Variants in DEAF1 observed in about 807,000 individuals in gnomAD.
DEAF1 encodes the protein deformed epidermal autoregulatory factor 1 homolog.
A neutral mutation model predicts 58.9 loss-of-function variants in DEAF1; 53 were observed. That is an observed-to-expected ratio of 0.90 (90% CI 0.72 to 1.13). The LOEUF (loss-of-function observed/expected upper bound fraction) is 1.13. DEAF1 is among the 50% of genes most tolerant of loss of function. DEAF1 has a pLI of 0.00. For missense variants in DEAF1, 685 were observed against 791.4 expected, an observed-to-expected ratio of 0.87 and a Z score of 1.61; for synonymous variants, 385 against 340.4, an observed-to-expected ratio of 1.13 and a Z score of -1.44.
intron 11 of DEAF1, among the ~76,000 whole-genome samples, chr11:649,159 G>A (rs970331508): frequency 6.6e-6 from 1 of 152,192 alleles, no homozygotes; most frequent in South Asian, 2.1e-4. Flanking sequence ...GCTGAGGCAG[G>A]AGAATCGCTT....
upstream of DEAF1, chr11:700,222 G>A: frequency 6.2e-7 from 1 of 1,613,646 alleles, no homozygotes; most frequent in Non-Finnish European, 8.5e-7. Context: ...CGCTCCTGAT[G>A]ATCACGTATA....
intron 1 of DEAF1, chr11:702,827 C>CCGGAGGAA: frequency 9.9e-7 from 1 of 1,010,458 alleles, no homozygotes; most frequent in South Asian, 1.8e-5. Context: ...TCCCCAGGCC[C>CCGGAGGAA]CGGAGGAACG....
chr11:679,788 C>T lies in DEAF1; in HGVS notation c.1026G>A (p.Thr342=), dbSNP rs756862378. The T allele has an allele frequency of 8.7e-6, 14 of 1,613,732 alleles. No individual in the cohort carries two copies. The highest frequency in any genetic ancestry group is 2.2e-5 in the East Asian group (1 of 44,902). ...GGTCAAAGGTCAGTGCCCCCGAGGT[C>T]GTGATCTGTCCCGAGGGGGTCACGG... ...TFTVTPSGQI[T]TSGALTFDRA... is the part of the protein sequence containing the mutation. The change falls in exon 8 of 12, where the codon ACG becomes ACA. Residue 342 remains threonine, a synonymous_variant. Transcript: ENST00000382409.
upstream of DEAF1, chr11:695,875 G>C: frequency 8.2e-7 from 1 of 1,223,390 alleles, no homozygotes; most frequent in East Asian, 3.2e-5. Flanking sequence ...GGGGCTTCCG[G>C]GCTTGCAGCG....
chr11:658,797 G>A (rs1859186505), intron 10 of DEAF1, among the ~76,000 whole-genome samples: 1 of 152,220 alleles, frequency 6.6e-6, no homozygotes, highest in Non-Finnish European at 1.5e-5. Flanking sequence ...TGCCTTCCCT[G>A]CTGCAGGGGC....
chr11:677,853 C>T (rs1860144549), intron 9 of DEAF1, among the ~76,000 whole-genome samples: 1 of 152,042 alleles, frequency 6.6e-6, no homozygotes. Flanking sequence ...GTCCCAGCTA[C>T]TCAGGAGGCT....
At chr11:654,835 C>T (rs1858968590) in intron 10 of DEAF1, among the ~76,000 whole-genome samples, 1 of 151,248 alleles carries the variant, frequency 6.6e-6, no homozygotes, top group South Asian at 2.1e-4. Flanking sequence ...CACTACTGCA[C>T]TCCAGCCTGG....
intron 9 of DEAF1, among the ~76,000 whole-genome samples, chr11:675,107 G>A (rs1859997123): frequency 6.6e-6 from 1 of 152,066 alleles, no homozygotes; most frequent in African/African-American, 2.4e-5. Context: ...AAGGTGTGAA[G>A]CCGGGAGGCA....
intron 1 of DEAF1, chr11:700,727 C>T (rs552755117): frequency 2.7e-5 from 42 of 1,584,502 alleles, no homozygotes; most frequent in East Asian, 1.1e-4. Flanking sequence ...CTGTTAACAC[C>T]GTGAAGAACC....
intron 6 of DEAF1, among the ~76,000 whole-genome samples, chr11:682,825 C>T (rs1445715163): frequency 1.3e-5 from 2 of 152,150 alleles, no homozygotes; most frequent in East Asian, 1.9e-4. Flanking sequence ...TCACACTTCC[C>T]AGGAATTTAC....
intron 9 of DEAF1, among the ~76,000 whole-genome samples, chr11:676,804 G>A (rs1425725519): frequency 6.6e-6 from 1 of 152,022 alleles, no homozygotes; most frequent in Non-Finnish European, 1.5e-5. Flanking sequence ...ACGCCCAGCG[G>A]GGTTTCTTAC....
chr11:687,774 G>C (rs987003557), intron 4 of DEAF1, 137 bp downstream of exon 4: 1 of 1,128,136 alleles, frequency 8.9e-7, no homozygotes, highest in Admixed American at 1.9e-5. Flanking sequence ...GGTATTACAG[G>C]CATCAGCCAC....
At position 687,179 on chromosome 11, in the gene DEAF1, C is replaced by T. The variant is rs377303581; in HGVS notation, c.665-182G>A. The stretch of plus-strand genomic sequence containing the variant: ...CACGGGTCTGCCTTTGCAGCCTGTG[C>T]CTCTGACCCCCTACGTGATCTCTCC... On this transcript the variant is annotated intron_variant, in intron 4 of 11. Coordinates refer to ENST00000382409, the MANE Select transcript of DEAF1 (RefSeq NM_021008.4). Among the ~76,000 whole-genome samples, 19 of 152,370 alleles carry T rather than the reference C, an allele frequency of 1.2e-4. No individual in the cohort carries two copies. The South Asian group carries it at 2.1e-3, about 17-fold the overall frequency.
rs191116432 is a variant in DEAF1 at position 704,491 on chromosome 11, G to T, written c.-438+2081C>A. ...CCCTGAGGACCCACTTCACACACCA[G>T]CGCCTGAGCGCCTCGGGCCACCTCC... On this transcript the variant is annotated intron_variant, in intron 1 of 11. Coordinates refer to the DEAF1 transcript ENST00000683307. 2.5e-5 allele frequency: 32 copies of T among 1,289,434 alleles called. No homozygotes were observed. In the African/African-American group the frequency reaches 3.8e-4, roughly 15 times the overall value. 79.9% of individuals were successfully genotyped at this position (1,289,434 alleles called of 1,614,324 possible).
intron 1 of DEAF1, among the ~76,000 whole-genome samples, chr11:701,840 G>A (rs1350161851): frequency 6.6e-6 from 1 of 152,174 alleles, no homozygotes; most frequent in East Asian, 1.9e-4. Context: ...TCAAGGGTAT[G>A]TTCTTGTACA....
intron 6 of DEAF1, among the ~76,000 whole-genome samples, chr11:683,754 G>C (rs1424246481): frequency 6.6e-6 from 1 of 152,134 alleles, no homozygotes; most frequent in Non-Finnish European, 1.5e-5. Flanking sequence ...ATCCACGGGC[G>C]CAGGACGTCT....
At chr11:691,885 C>T (rs1860849847) in intron 1 of DEAF1, among the ~76,000 whole-genome samples, 1 of 152,178 alleles carries the variant, frequency 6.6e-6, no homozygotes, top group South Asian at 2.1e-4. Flanking sequence ...CCAGCCCCAG[C>T]TCTATCAAAC....
intron 6 of DEAF1, 81 bp downstream of exon 6, chr11:684,817 G>T: frequency 2.4e-6 from 3 of 1,244,550 alleles, no homozygotes; most frequent in South Asian, 1.3e-5. Context: ...GGAAACAGCC[G>T]AGAGGCCAAG....
chr11:683,121 A>AT (rs1443149997), intron 6 of DEAF1, among the ~76,000 whole-genome samples: 3 of 151,956 alleles, frequency 2.0e-5, no homozygotes, highest in East Asian at 3.8e-4. Context: ...TTAAGGGGTT[A>AT]TTTTTTCACA....
Sources: gnomAD v4.1 joint callset for allele counts (sites outside exome capture counted in the v4.1 genomes callset) on GRCh38, gnomAD v4.1.1 for gene constraint, MANE v1.5 for transcripts, NCBI Gene and HGNC (gene_info 2026-07-23, HGNC 2026-07-21) for gene names.